PRR16: variants seen among roughly 807,000 people sequenced by gnomAD.
The protein encoded by PRR16 is protein Largen.
In PRR16, 6 loss-of-function variants were observed where a neutral mutation model predicts 18.2. The observed-to-expected ratio is 0.33, with a 90% confidence interval of 0.18 to 0.65. PRR16 has a LOEUF of 0.65. Ranked by LOEUF, PRR16 falls within the 30% of genes least tolerant of loss-of-function variation. The pLI, the probability that PRR16 is intolerant of heterozygous loss-of-function variation, is 0.74. For missense variants in PRR16, 412 were observed against 376.6 expected, an observed-to-expected ratio of 1.09 and a Z score of -0.78; for synonymous variants, 151 against 147.8, an observed-to-expected ratio of 1.02 and a Z score of -0.16.
At position 120,637,644 on chromosome 5, in the gene PRR16, G is replaced by GT. The variant is rs1207067273; in HGVS notation, c.160-48310_160-48309insT. 4.0e-5 allele frequency among the ~76,000 whole-genome samples: 6 copies of GT among 151,738 alleles called. No individual in the cohort carries two copies. In the South Asian group the frequency reaches 6.3e-4, roughly 16 times the overall value. ...TGATACATTGGACTTTGGGGATTTG[G>GT]GGGGAAGGGTGAGGGATGGCAAGAG... On this transcript the variant is annotated intron_variant, in intron 1 of 1. Transcript: ENST00000407149.
chr5:120,742,461 G>A, the PRR16 span, among the ~76,000 whole-genome samples: 2 of 150,770 alleles, frequency 1.3e-5, no homozygotes, highest in African/African-American at 2.4e-5. Context: ...TTTAATATTA[G>A]CTACCCCTTG....
chr5:120,512,314 CA>C (rs1293255349), intron 1 of PRR16, among the ~76,000 whole-genome samples: 3 of 152,092 alleles, frequency 2.0e-5, no homozygotes, highest in African/African-American at 7.2e-5. Context: ...TCCAGGCGAC[CA>C]AATCCCTTAA....
chr5:120,773,673 A>G, the PRR16 span, among the ~76,000 whole-genome samples: 15 of 152,084 alleles, frequency 9.9e-5, no homozygotes, highest in African/African-American at 3.6e-4. Context: ...TCTCTCTGCC[A>G]GACTATCAGA....
At chr5:120,534,785 T>G (rs1190270421) in intron 1 of PRR16, among the ~76,000 whole-genome samples, 1 of 152,200 alleles carries the variant, frequency 6.6e-6, no homozygotes, top group African/African-American at 2.4e-5. Flanking sequence ...TATTTAGATG[T>G]GAGCCTCAAC....
chr5:120,728,413 A>T, the PRR16 span, among the ~76,000 whole-genome samples: 1 of 151,200 alleles, frequency 6.6e-6, no homozygotes, highest in East Asian at 1.9e-4. Context: ...TCTGTTTTCT[A>T]TTAAGGAGAG....
chr5:120,743,510 G>A, the PRR16 span, among the ~76,000 whole-genome samples: 18 of 152,134 alleles, frequency 1.2e-4, no homozygotes, highest in Middle Eastern at 3.4e-3. Context: ...TTCTGCATTC[G>A]AATATTGTAG....
At chr5:120,673,379 A>T (rs1389273081) in intron 1 of PRR16, among the ~76,000 whole-genome samples, 1 of 152,242 alleles carries the variant, frequency 6.6e-6, no homozygotes, top group East Asian at 1.9e-4. Context: ...GACAAAATGA[A>T]TTAAATGAAA....
In PRR16 at chr5:120,686,175, A is replaced by T. The variant is rs753140185; in HGVS notation, c.381A>T (p.Pro127=). Residue 127 remains proline, a synonymous_variant, in exon 2 of 2, where the codon CCA becomes CCT. Transcript: ENST00000407149. ...LRKPNPPPPP[P]RLTPVKCEDP... Reference sequence around the variant, plus strand: ...AGCCAAACCCTCCACCACCTCCTCCAAGGTTGACACCTGTGAAGTGTGAAG... The same window carrying T: ...AGCCAAACCCTCCACCACCTCCTCCTAGGTTGACACCTGTGAAGTGTGAAG... 6.2e-7 allele frequency: 1 copy of T among 1,614,058 alleles called. No homozygotes were observed. Among genetic ancestry groups the T allele is most frequent in the South Asian group, 1.1e-5 (1 of 91,080 alleles).
At chr5:120,729,264 T>C in the PRR16 span, among the ~76,000 whole-genome samples, 40 of 152,240 alleles carry the variant, frequency 2.6e-4, no homozygotes, top group African/African-American at 9.4e-4. Context: ...GTTTCTAAAA[T>C]CAGAGATTTC....
intron 1 of PRR16, among the ~76,000 whole-genome samples, chr5:120,466,949 A>G (rs1749124023): frequency 6.6e-6 from 1 of 152,178 alleles, no homozygotes; most frequent in South Asian, 2.1e-4. Flanking sequence ...TGTACCTACA[A>G]TGGCCAAATC....
the PRR16 span, among the ~76,000 whole-genome samples, chr5:120,745,848 G>A: frequency 0.018 from 2,605 of 146,408 alleles, 38 homozygotes; most frequent in Non-Finnish European, 0.029. Context: ...ACAGGCACCC[G>A]CCACCACGCC....
chr5:120,738,285 T>C, the PRR16 span, among the ~76,000 whole-genome samples: 3 of 152,126 alleles, frequency 2.0e-5, no homozygotes, highest in Non-Finnish European at 4.4e-5. Flanking sequence ...TTTGATTTTA[T>C]TGAATAAAGT....
At chr5:120,674,117 C>T (rs950445794) in intron 1 of PRR16, among the ~76,000 whole-genome samples, 3 of 152,090 alleles carry the variant, frequency 2.0e-5, no homozygotes, top group African/African-American at 7.2e-5. Flanking sequence ...GCTACAGGGC[C>T]TCCTGAAACC....
chr5:120,651,019 T>C (rs1390241127), intron 1 of PRR16, among the ~76,000 whole-genome samples: 1 of 152,194 alleles, frequency 6.6e-6, no homozygotes, highest in African/African-American at 2.4e-5. Context: ...TGATCGCCAT[T>C]CTAAATGTTG....
chr5:120,497,952 TAGAC>T (rs1750314155), intron 1 of PRR16, among the ~76,000 whole-genome samples: 1 of 151,788 alleles, frequency 6.6e-6, no homozygotes, highest in Non-Finnish European at 1.5e-5. Context: ...GAGTTTTTAA[TAGAC>T]AGAATATAGT....
At chr5:120,593,993 A>G (rs1437031653) in intron 1 of PRR16, among the ~76,000 whole-genome samples, 2 of 152,014 alleles carry the variant, frequency 1.3e-5, no homozygotes, top group East Asian at 1.9e-4. Context: ...GCACAGAAGG[A>G]ACGTACTTCA....
intron 1 of PRR16, among the ~76,000 whole-genome samples, chr5:120,563,407 C>G (rs1312088869): frequency 6.6e-6 from 1 of 152,146 alleles, no homozygotes; most frequent in African/African-American, 2.4e-5. Flanking sequence ...AGAAATTAGC[C>G]TGATGTTCTG....
chr5:120,491,348 A>T (rs1024908374), intron 1 of PRR16, among the ~76,000 whole-genome samples: 3 of 152,144 alleles, frequency 2.0e-5, no homozygotes, highest in Non-Finnish European at 4.4e-5. Context: ...ACTATTTATA[A>T]TATTTCTTAA....
the PRR16 span, among the ~76,000 whole-genome samples, chr5:120,704,391 C>T: frequency 1.3e-5 from 2 of 152,004 alleles, no homozygotes; most frequent in Non-Finnish European, 2.9e-5. Flanking sequence ...TGTTGCAAGC[C>T]TGAAAGAATG....
Sources: gnomAD v4.1 joint callset for allele counts (sites outside exome capture counted in the v4.1 genomes callset) on GRCh38, gnomAD v4.1.1 for gene constraint, MANE v1.5 for transcripts, NCBI Gene and HGNC (gene_info 2026-07-23, HGNC 2026-07-21) for gene names.